GRM8: variants seen among roughly 807,000 people sequenced by gnomAD.
The protein encoded by GRM8 is glutamate metabotropic receptor 8.
In GRM8, 47 loss-of-function variants were observed where a neutral mutation model predicts 87.2. The observed-to-expected ratio is 0.54, with a 90% CI of 0.43 to 0.69. The LOEUF is 0.69. Among genes scored for constraint, GRM8 ranks in the 30% least tolerant of loss-of-function variants. GRM8 has a pLI of 0.00. For synonymous variants in GRM8, 396 were observed against 404.5 expected (o/e 0.98, Z 0.25); for missense variants, 1,019 against 1,139.2 (o/e 0.89, Z 1.52).
In GRM8 at chr7:126,751,911, A is replaced by T. The variant is rs542211690; in HGVS notation, c.1357+17954T>A. 2.6e-5 allele frequency among the ~76,000 whole-genome samples: 4 copies of T among 152,278 alleles called. No homozygotes were observed. In the South Asian group the frequency reaches 8.3e-4, roughly 32 times the overall value. ...TAGGAGGCCTGAACTGCTTAGAGAGAGCATCTCACTACCTCATTATCACTG... is the reference window on the plus strand; with the variant it reads ...TAGGAGGCCTGAACTGCTTAGAGAGTGCATCTCACTACCTCATTATCACTG... On this transcript the variant is annotated intron_variant, in intron 7 of 10. Coordinates refer to ENST00000339582, the MANE Select transcript of GRM8 (RefSeq NM_000845.3).
intron 6 of GRM8, among the ~76,000 whole-genome samples, chr7:126,790,605 A>G (rs1821175400): frequency 6.6e-6 from 1 of 152,172 alleles, no homozygotes; most frequent in Admixed American, 6.5e-5. Context: ...ATTAAGGATT[A>G]TGATTGTAAG....
At position 126,533,449 on chromosome 7, in the gene GRM8, T is replaced by C; in HGVS notation, c.1933A>G (p.Thr645Ala). ...ITFLMIAAPD[T>A]IICSFRRVFL... ...ACCCGTCGGAAGGAGCATATGATTG[T>C]ATCTGGTGCTGCAATCATTAAAAAC... The change falls in exon 9 of 11, where the codon ACA becomes GCA. Residue 645 changes from threonine (T) to alanine (A), a missense_variant. Physicochemically the swap from Thr to Ala is moderately conservative, Grantham distance 58 (BLOSUM62 0). Coordinates refer to ENST00000339582, the MANE Select transcript of GRM8 (RefSeq NM_000845.3). The C allele has an allele frequency of 1.2e-6, 2 of 1,613,780 alleles. No individual in the cohort carries two copies. Among genetic ancestry groups the C allele is most frequent in the Non-Finnish European group, 1.7e-6 (2 of 1,179,716 alleles).
intron 7 of GRM8, among the ~76,000 whole-genome samples, chr7:126,703,393 T>C (rs1432465935): frequency 2.6e-5 from 4 of 152,142 alleles, no homozygotes; most frequent in African/African-American, 7.2e-5. Context: ...CAAGTCAAAG[T>C]TGAGATGCAA....
chr7:126,825,088 GAC>G (rs1794637564), intron 6 of GRM8, among the ~76,000 whole-genome samples: 1 of 152,088 alleles, frequency 6.6e-6, no homozygotes, highest in Non-Finnish European at 1.5e-5. Context: ...TTTTTTTCGA[GAC>G]ACAGTCCCAT....
At chr7:126,757,183 C>T (rs145858332) in intron 7 of GRM8, among the ~76,000 whole-genome samples, 41 of 151,868 alleles carry the variant, frequency 2.7e-4, no homozygotes, top group African/African-American at 9.9e-4. Flanking sequence ...GAAATGAAGC[C>T]GGACATTTAA....
intron 2 of GRM8, among the ~76,000 whole-genome samples, chr7:127,139,356 A>T (rs1828128961): frequency 2.0e-5 from 3 of 152,268 alleles, no homozygotes; most frequent in South Asian, 2.1e-4. Context: ...ACCTTGAGGC[A>T]AACTATGACA....
intron 7 of GRM8, among the ~76,000 whole-genome samples, chr7:126,705,165 C>A (rs1050238860): frequency 7.2e-5 from 11 of 152,214 alleles, no homozygotes; most frequent in Non-Finnish European, 1.5e-4. Flanking sequence ...CTATCGGGGG[C>A]AGGTTCCCCA....
At chr7:126,698,231 GTTC>G (rs945533119) in intron 7 of GRM8, among the ~76,000 whole-genome samples, 9 of 152,144 alleles carry the variant, frequency 5.9e-5, no homozygotes, top group East Asian at 3.9e-4. Context: ...ATTAAGAGTT[GTTC>G]TTCTTCTACA....
intron 7 of GRM8, among the ~76,000 whole-genome samples, chr7:126,643,430 T>A (rs1169162639): frequency 1.4e-5 from 2 of 146,218 alleles, no homozygotes; most frequent in Admixed American, 1.4e-4. Flanking sequence ...CATCAAGTGG[T>A]TTCCAATTTT....
chr7:126,814,674 G>A (rs1042782532), intron 6 of GRM8, among the ~76,000 whole-genome samples: 1 of 150,298 alleles, frequency 6.7e-6, no homozygotes, highest in Non-Finnish European at 1.5e-5. Flanking sequence ...AGCTCTGATT[G>A]TCATCCACTA....
chr7:127,031,846 C>T (rs1817403618), intron 3 of GRM8, among the ~76,000 whole-genome samples: 2 of 152,226 alleles, frequency 1.3e-5, no homozygotes, highest in Non-Finnish European at 2.9e-5. Flanking sequence ...CTGCAGAACT[C>T]CACCATTTCC....
intron 2 of GRM8, among the ~76,000 whole-genome samples, chr7:127,186,462 A>G (rs1398176831): frequency 1.3e-5 from 2 of 152,110 alleles, no homozygotes; most frequent in Non-Finnish European, 2.9e-5. Context: ...GAAGAGAGTG[A>G]AGCAAGAGTA....
chr7:126,940,121 G>A (rs188129198), intron 3 of GRM8, among the ~76,000 whole-genome samples: 39 of 152,232 alleles, frequency 2.6e-4, no homozygotes, highest in African/African-American at 9.4e-4. Flanking sequence ...AAACTGAAGG[G>A]AAAATGAGTC....
chr7:126,736,518 G>T (rs1293233917), intron 7 of GRM8, among the ~76,000 whole-genome samples: 1 of 151,936 alleles, frequency 6.6e-6, no homozygotes. Context: ...GACATAATGG[G>T]TGTCAATGTT....
intron 3 of GRM8, among the ~76,000 whole-genome samples, chr7:127,072,969 C>A (rs567755817): frequency 7.3e-6 from 1 of 137,602 alleles, no homozygotes; most frequent in Non-Finnish European, 1.6e-5. Flanking sequence ...AAAAGGCCAT[C>A]CTCGCTTCCT....
intron 3 of GRM8, among the ~76,000 whole-genome samples, chr7:127,036,241 G>C (rs1311498597): frequency 6.6e-6 from 1 of 152,082 alleles, no homozygotes; most frequent in Non-Finnish European, 1.5e-5. Context: ...AGGAGCTAAG[G>C]AATCTGCTTA....
chr7:126,792,921 A>G (rs1186030881), intron 6 of GRM8, among the ~76,000 whole-genome samples: 1 of 152,130 alleles, frequency 6.6e-6, no homozygotes, highest in African/African-American at 2.4e-5. Flanking sequence ...TTCCTTCAAC[A>G]TTCTTTCATT....
At chr7:127,143,526 G>A (rs753483149) in intron 2 of GRM8, among the ~76,000 whole-genome samples, 1 of 152,116 alleles carries the variant, frequency 6.6e-6, no homozygotes, top group Non-Finnish European at 1.5e-5. Context: ...CAGGCTATGT[G>A]CTTTACCTTT....
intron 3 of GRM8, among the ~76,000 whole-genome samples, chr7:126,980,786 C>A (rs570047872): frequency 1.3e-5 from 2 of 152,180 alleles, no homozygotes; most frequent in Admixed American, 1.3e-4. Flanking sequence ...ATTTCTCATA[C>A]ATGAATCTCT....
Sources: allele counts gnomAD v4.1 joint callset (sites outside exome capture counted in the v4.1 genomes callset), GRCh38; gene constraint gnomAD v4.1.1; transcripts MANE v1.5; gene names NCBI Gene and HGNC (gene_info 2026-07-23, HGNC 2026-07-21).